Variants in KIF25 observed in about 807,000 individuals in gnomAD.
KIF25 encodes the protein kinesin family member 25.
A neutral mutation model predicts 32.9 loss-of-function variants in KIF25; 19 were observed. The ratio of observed to expected loss-of-function variants is 0.58; its 90% CI spans 0.40 to 0.85. The LOEUF is 0.85. Among genes scored for constraint, KIF25 ranks in the 40% least tolerant of loss-of-function variants. KIF25 has a pLI of 0.00. For missense variants in KIF25, 485 were observed against 507.0 expected, an observed-to-expected ratio of 0.96 and a Z score of 0.42; for synonymous variants, 225 against 213.7, an observed-to-expected ratio of 1.05 and a Z score of -0.46.
chr6:168,035,596 A>C, intron 8 of KIF25: 1 of 425,872 alleles, frequency 2.3e-6, no homozygotes, highest in South Asian at 1.7e-5. Flanking sequence ...GAAGATGGCC[A>C]GGCGGCTGCG....
At chr6:168,014,100 G>A (rs558993599) in intron 4 of KIF25, among the ~76,000 whole-genome samples, 86 of 152,204 alleles carry the variant, frequency 5.7e-4, no homozygotes, top group African/African-American at 1.8e-3. Context: ...TCAGGACTTC[G>A]TGTTAACAGG....
intron 3 of KIF25, 126 bp downstream of exon 3, chr6:168,002,785 A>G (rs1051559622): frequency 2.6e-5 from 4 of 152,212 alleles, no homozygotes; most frequent in Non-Finnish European, 1.5e-5. Flanking sequence ...AATACAACTC[A>G]CCACAATGTA....
chr6:168,044,337 G>T (rs1799183348), intron 12 of KIF25, among the ~76,000 whole-genome samples: 1 of 123,726 alleles, frequency 8.1e-6, no homozygotes, highest in African/African-American at 3.3e-5. Flanking sequence ...CGGAGGGTGA[G>T]GGGTGCTAGT....
rs770941035 is a variant in KIF25, at chr6:168,038,705, C to G, written c.470C>G (p.Thr157Arg). Residue 157 changes from threonine (T) to arginine (R), a missense_variant, in exon 9 of 13, where the codon ACA becomes AGA. By Grantham distance (71) the Thr-to-Arg change is moderately conservative. This residue lies in a region of KIF25 where 480 missense variants were observed against 470.3 expected (regional missense o/e 1.02). Coordinates refer to ENST00000643607, the MANE Select transcript of KIF25 (RefSeq NM_030615.4). ...REVVTAKDGR[T>R]EVALLASEAV... Reference sequence around the variant, plus strand: ...GTGGTGACAGCCAAGGATGGACGGACAGAGGTTGCGCTGCTGGCCTCTGAG... The same window carrying G: ...GTGGTGACAGCCAAGGATGGACGGAGAGAGGTTGCGCTGCTGGCCTCTGAG... 1.9e-5 allele frequency: 31 copies of G among 1,613,790 alleles called. No individual in the cohort carries two copies. The highest frequency in any genetic ancestry group is 2.7e-5 in the African/African-American group (2 of 74,926).
At chr6:168,008,325 G>C (rs1798604675) in intron 4 of KIF25, among the ~76,000 whole-genome samples, 2 of 152,120 alleles carry the variant, frequency 1.3e-5, no homozygotes, top group African/African-American at 4.8e-5. Flanking sequence ...ATTTATTGAA[G>C]AGACCATCCT....
intron 5 of KIF25, among the ~76,000 whole-genome samples, chr6:168,026,458 C>T (rs1283237092): frequency 3.3e-5 from 5 of 152,140 alleles, no homozygotes. Context: ...GTTTAGCATT[C>T]AGGATCACCG....
chr6:168,022,708 A>G (rs964805306), intron 5 of KIF25, among the ~76,000 whole-genome samples: 51 of 144,214 alleles, frequency 3.5e-4, no homozygotes, highest in Non-Finnish European at 5.9e-4. Context: ...TTTGTGTTTT[A>G]TAAGTTTTTA....
Position 168,042,561 on chromosome 6 carries a change from G to A in KIF25, c.830G>A (p.Gly277Asp), listed in dbSNP as rs142039463. 2.8e-4 allele frequency: 447 copies of A among 1,613,008 alleles called. No individual in the cohort carries two copies. The highest frequency in any genetic ancestry group is 3.5e-4 in the Non-Finnish European group (412 of 1,179,450). Residue 277 changes from glycine (G) to aspartate (D), a missense_variant and splice_region_variant, in exon 12 of 13, where the codon GGT becomes GAT. Physicochemically the swap from Gly to Asp is moderately conservative, Grantham distance 94. This residue lies in a region of KIF25 where 480 missense variants were observed against 470.3 expected (regional missense o/e 1.02). Transcript: ENST00000643607. ...GATGGTGCGTGGCGGTCCTGTCCAG[G>A]TGTGTCTGGAGTGACCGGGTTGGCC... ...LVDSAGSECV[G>D]VSGVTGLALR...
At position 168,002,592 on chromosome 6, in the gene KIF25, G is replaced by T. The variant is rs985707146; in HGVS notation, c.-320G>T. 1 of 152,202 alleles carries T rather than the reference G, an allele frequency of 6.6e-6. No homozygotes were observed. Among genetic ancestry groups the T allele is most frequent in the African/African-American group, 2.4e-5 (1 of 41,436 alleles). 9.4% of individuals were successfully genotyped at this position (152,202 alleles called of 1,614,324 possible). ...GATTTCCTGAAGGGGAGAACCTGATGAGCTTGTCTTCTAGATCAGTGGTCC... is the reference window on the plus strand; with the variant it reads ...GATTTCCTGAAGGGGAGAACCTGATTAGCTTGTCTTCTAGATCAGTGGTCC... On this transcript the variant is annotated 5_prime_UTR_variant, in exon 3 of 13. It removes an upstream start codon present in the reference 5' UTR. Coordinates refer to ENST00000643607, the MANE Select transcript of KIF25 (RefSeq NM_030615.4).
chr6:168,000,196 C>T (rs1357411634), intron 2 of KIF25, among the ~76,000 whole-genome samples: 2 of 120,806 alleles, frequency 1.7e-5, no homozygotes, highest in East Asian at 6.0e-4. Context: ...CCACACCTGA[C>T]ACTCCCCACT....
chr6:168,005,667 C>G (rs777341106), intron 4 of KIF25, among the ~76,000 whole-genome samples: 70 of 152,234 alleles, frequency 4.6e-4, no homozygotes, highest in Non-Finnish European at 8.7e-4. Flanking sequence ...AGCTGAAGAA[C>G]TTGGAGTCCG....
At chr6:168,040,970 G>C (rs1048512479) in intron 10 of KIF25, among the ~76,000 whole-genome samples, 3 of 152,242 alleles carry the variant, frequency 2.0e-5, no homozygotes, top group Non-Finnish European at 2.9e-5. Context: ...TGCAGCAGGT[G>C]GTGGGAACTA....
intron 4 of KIF25, among the ~76,000 whole-genome samples, chr6:168,006,908 T>A (rs1798586865): frequency 6.6e-6 from 1 of 152,198 alleles, no homozygotes; most frequent in South Asian, 2.1e-4. Flanking sequence ...AAGAAAATTG[T>A]TATAGCCATA....
chr6:168,034,942 C>T (rs1798994964), intron 8 of KIF25, among the ~76,000 whole-genome samples: 1 of 152,092 alleles, frequency 6.6e-6, no homozygotes, highest in South Asian at 2.1e-4. Context: ...GGGCGGATCA[C>T]AAGGTCAGGA....
At chr6:168,035,663 GC>G (rs1799014066) in intron 8 of KIF25, 7 of 455,058 alleles carry the variant, frequency 1.5e-5, no homozygotes, top group Middle Eastern at 3.2e-4. Flanking sequence ...TTACTGGCAA[GC>G]GTTTCAGTCG....
intron 11 of KIF25, 33 bp downstream of exon 11, chr6:168,042,184 G>A: frequency 1.9e-6 from 3 of 1,538,916 alleles, no homozygotes; most frequent in Non-Finnish European, 2.6e-6. Flanking sequence ...CTGGGGGGTG[G>A]GTGCTGCAGA....
chr6:168,036,832 C>T (rs1032126473), intron 8 of KIF25, among the ~76,000 whole-genome samples: 5 of 152,238 alleles, frequency 3.3e-5, no homozygotes, highest in Non-Finnish European at 4.4e-5. Context: ...GAGGCTTAGG[C>T]GGGTGGATCA....
At chr6:168,015,528 C>T (rs879601697) in intron 4 of KIF25, among the ~76,000 whole-genome samples, 2 of 152,162 alleles carry the variant, frequency 1.3e-5, no homozygotes, top group African/African-American at 2.4e-5. Context: ...GAGGCAGGGG[C>T]CATGCGTCCC....
intron 4 of KIF25, among the ~76,000 whole-genome samples, chr6:168,008,914 T>G (rs1276124124): frequency 2.0e-5 from 3 of 152,160 alleles, no homozygotes; most frequent in African/African-American, 7.2e-5. Context: ...ACTGATTTTT[T>G]CATATTAATT....
Sources: allele counts gnomAD v4.1 joint callset (sites outside exome capture counted in the v4.1 genomes callset), GRCh38; gene constraint gnomAD v4.1.1; regional missense constraint gnomAD v4.1.1; transcripts MANE v1.5; gene names NCBI Gene and HGNC (gene_info 2026-07-23, HGNC 2026-07-21).